ADAMTS9: variants seen among roughly 807,000 people sequenced by gnomAD.
ADAMTS9 encodes A disintegrin and metalloproteinase with thrombospondin motifs 9.
In ADAMTS9, 107 loss-of-function variants were observed where a neutral mutation model predicts 257.1. That is an observed-to-expected ratio of 0.42 (90% confidence interval 0.36 to 0.49). The LOEUF is 0.49. Among genes scored for constraint, ADAMTS9 ranks in the 20% least tolerant of loss-of-function variants. ADAMTS9 has a pLI of 0.03. For synonymous variants in ADAMTS9, 982 were observed against 880.9 expected, an observed-to-expected ratio of 1.11 and a Z score of -2.03; for missense variants, 2,353 against 2,469.1, an observed-to-expected ratio of 0.95 and a Z score of 1.00.
chr3:64,636,175 T>C (rs1700490444), intron 12 of ADAMTS9, among the ~76,000 whole-genome samples: 1 of 152,208 alleles, frequency 6.6e-6, no homozygotes, highest in Non-Finnish European at 1.5e-5. Context: ...TAGTTATTAT[T>C]TATAGGTGGC....
At chr3:64,637,658 G>T (rs919532339) in intron 12 of ADAMTS9, among the ~76,000 whole-genome samples, 3 of 152,240 alleles carry the variant, frequency 2.0e-5, no homozygotes, top group African/African-American at 7.2e-5. Context: ...AGGGTAGTCA[G>T]ATTTAGGGTT....
chr3:64,665,926 A>G (rs1701345195), intron 3 of ADAMTS9, among the ~76,000 whole-genome samples: 1 of 152,210 alleles, frequency 6.6e-6, no homozygotes, highest in Admixed American at 6.5e-5. Flanking sequence ...AATTTCTTAT[A>G]AATTATAAGT....
At chr3:64,606,793 A>T (rs2084563747) in intron 23 of ADAMTS9, among the ~76,000 whole-genome samples, 167 bp downstream of exon 23, 1 of 152,238 alleles carries the variant, frequency 6.6e-6, no homozygotes, top group African/African-American at 2.4e-5. Flanking sequence ...CTGACACAAG[A>T]TATTTGATTA....
chr3:64,586,235 A>G (rs770970882), intron 28 of ADAMTS9, among the ~76,000 whole-genome samples: 1 of 152,110 alleles, frequency 6.6e-6, no homozygotes, highest in South Asian at 2.1e-4. Context: ...ATTGTTTAGC[A>G]TAATTCTGAG....
chr3:64,617,287 T>G (rs1699982288), intron 19 of ADAMTS9, among the ~76,000 whole-genome samples: 1 of 152,150 alleles, frequency 6.6e-6, no homozygotes, highest in African/African-American at 2.4e-5. Flanking sequence ...CATTTCCTTG[T>G]GGAAAGGTTA....
At position 64,687,421 on chromosome 3, in the gene ADAMTS9, C is replaced by T. The variant is rs1255917452; in HGVS notation, c.115+122G>A. On this transcript the variant is annotated intron_variant, in intron 1 of 39. Transcript: ENST00000498707. This position sits in a 1 kb window ranked among gnomAD's most constrained non-coding sequence, Gnocchi z 4.4. ...CCCAAAGAAGGGAGAGGCTGCAAAG[C>T]GGGAGATAATTCTTTCTAGGAAAAG... 4 of 828,924 alleles carry T rather than the reference C, an allele frequency of 4.8e-6. No individual in the cohort carries two copies. In the South Asian group the frequency reaches 5.9e-5, roughly 12 times the overall value. The allele number at this position is 828,924 out of a possible 1,614,324, so 51.3% of individuals were successfully genotyped here. A position where few individuals can be genotyped will look rare whatever the true frequency, so the allele number is the denominator to read the frequency against.
chr3:64,640,453 G>T (rs920553602), intron 12 of ADAMTS9, among the ~76,000 whole-genome samples: 8 of 152,136 alleles, frequency 5.3e-5, no homozygotes, highest in African/African-American at 1.4e-4. Context: ...TACAACTATT[G>T]TATTACCCCA....
chr3:64,623,407 G>A (rs1355623419), intron 16 of ADAMTS9, among the ~76,000 whole-genome samples: 1 of 152,144 alleles, frequency 6.6e-6, no homozygotes, highest in Admixed American at 6.5e-5. Context: ...AACACCCTCT[G>A]AGTGAGTAAT....
chr3:64,648,615 A>T (rs1700854562), intron 10 of ADAMTS9, among the ~76,000 whole-genome samples: 1 of 152,238 alleles, frequency 6.6e-6, no homozygotes, highest in African/African-American at 2.4e-5. Context: ...GAAAAGTTGC[A>T]CAAGTATTAA....
At chr3:64,616,468 T>G (rs1380286334) in intron 19 of ADAMTS9, among the ~76,000 whole-genome samples, 1 of 152,202 alleles carries the variant, frequency 6.6e-6, no homozygotes, top group Non-Finnish European at 1.5e-5. Flanking sequence ...AACATTTTTT[T>G]CAAGTGTATT....
chr3:64,585,075 G>T (rs1289275318), intron 28 of ADAMTS9, among the ~76,000 whole-genome samples: 1 of 152,076 alleles, frequency 6.6e-6, no homozygotes, highest in Admixed American at 6.6e-5. Context: ...TTTATAGTAT[G>T]CCTAGTTTGA....
At chr3:64,574,482 G>A (rs1345814565) in intron 28 of ADAMTS9, among the ~76,000 whole-genome samples, 2 of 149,436 alleles carry the variant, frequency 1.3e-5, no homozygotes, top group African/African-American at 5.0e-5. Context: ...CAGAATTTTG[G>A]GAGGCAGAGG....
At chr3:64,633,443 C>A (rs369848849) in intron 14 of ADAMTS9, 29 bp downstream of exon 14, 1 of 1,612,158 alleles carries the variant, frequency 6.2e-7, no homozygotes, top group African/African-American at 1.3e-5. Flanking sequence ...CGGGAAAACA[C>A]AGTGAAGAAA....
At position 64,631,834 on chromosome 3, in the gene ADAMTS9, G is replaced by A. The variant is rs1479281806; in HGVS notation, c.2267C>T (p.Ala756Val). 6.2e-7 allele frequency: 1 copy of A among 1,613,656 alleles called. No individual in the cohort carries two copies. The highest frequency in any genetic ancestry group is 1.1e-5 in the South Asian group (1 of 91,060). Residue 756 changes from alanine to valine, a missense_variant, in exon 15 of 40, where the codon GCA (alanine) becomes GTA (valine). By Grantham distance (64) the Ala-to-Val change is moderately conservative. Transcript: ENST00000498707. ...GGDNSSCKTV[A>V]GTFNTVHYGY... ...ATAATGTACTGTATTAAATGTTCCT[G>A]CCACTGTTTTGCATGAAGAATTATC...
intron 37 of ADAMTS9, among the ~76,000 whole-genome samples, chr3:64,534,141 CT>C (rs1402290106): frequency 1.3e-5 from 2 of 152,206 alleles, no homozygotes; most frequent in Non-Finnish European, 2.9e-5. Flanking sequence ...CAAACCAGCA[CT>C]TTGTCAAAAC....
intron 28 of ADAMTS9, among the ~76,000 whole-genome samples, chr3:64,590,704 A>T (rs1476756238): frequency 6.6e-6 from 1 of 152,226 alleles, no homozygotes; most frequent in East Asian, 1.9e-4. Flanking sequence ...TAAGTTAGCC[A>T]GGCAGAAACA....
At chr3:64,543,638 A>G (rs1333001275) in intron 32 of ADAMTS9, among the ~76,000 whole-genome samples, 1 of 152,228 alleles carries the variant, frequency 6.6e-6, no homozygotes, top group Non-Finnish European at 1.5e-5. Context: ...AGAGCTATAT[A>G]TGACAAACCC....
At chr3:64,566,667 T>A (rs2083552773) in intron 29 of ADAMTS9, among the ~76,000 whole-genome samples, 1 of 152,184 alleles carries the variant, frequency 6.6e-6, no homozygotes, top group Non-Finnish European at 1.5e-5. Context: ...TTTGTGAATA[T>A]TGGCTTTTAA....
At position 64,615,352 on chromosome 3, in the gene ADAMTS9, C is replaced by G. The variant is rs761002001; in HGVS notation, c.3158G>C (p.Cys1053Ser). 1.2e-6 allele frequency: 2 copies of G among 1,613,964 alleles called. No individual in the cohort carries two copies. Among genetic ancestry groups the G allele is most frequent in the Non-Finnish European group, 1.7e-6 (2 of 1,179,918 alleles). Residue 1053 changes from cysteine to serine, a missense_variant, in exon 21 of 40, where the codon TGT becomes TCT. Around this residue, in one of 3 missense-constraint regions of ADAMTS9, gnomAD observed 1,402 missense variants for 1,441.4 expected, o/e 0.97. Coordinates refer to ENST00000498707, the MANE Select transcript of ADAMTS9 (RefSeq NM_182920.2). ...CCAGTCTCCAGATTTCCACTGTGGA[C>G]AAGGGAACTCACTGCACCTCTGAAT... is the stretch of plus-strand genomic sequence containing the variant. ...VTIQRCSEFP[C>S]PQWKSGDWSE...
Sources: gnomAD v4.1 joint callset for allele counts (sites outside exome capture counted in the v4.1 genomes callset) on GRCh38, gnomAD v4.1.1 for gene constraint, gnomAD v4.1.1 regional missense constraint, Gnocchi (gnomAD v3.1) non-coding constraint, MANE v1.5 for transcripts, NCBI Gene and HGNC (gene_info 2026-07-23, HGNC 2026-07-21) for gene names.